The following NRXN3 variants were observed in gnomAD, a reference collection of about 807,000 sequenced individuals.
NRXN3 encodes the protein neurexin 3.
A neutral mutation model predicts 137.6 loss-of-function variants in NRXN3; 32 were observed. That is an observed-to-expected ratio of 0.23 (90% CI 0.18 to 0.31). The LOEUF is 0.31. Among genes scored for constraint, NRXN3 ranks in the 10% least tolerant of loss-of-function variants. NRXN3 has a pLI of 1.00. For synonymous variants in NRXN3, 798 were observed against 784.5 expected, an observed-to-expected ratio of 1.02 and a Z score of -0.29; for missense variants, 1,574 against 2,062.5, an observed-to-expected ratio of 0.76 and a Z score of 4.59.
intron 20 of NRXN3, among the ~76,000 whole-genome samples, chr14:79,833,779 G>GT (rs1195793628): frequency 8.6e-5 from 13 of 152,034 alleles, no homozygotes; most frequent in Admixed American, 5.2e-4. Context: ...ACATACTCAG[G>GT]TTTTTTAAAA....
intron 10 of NRXN3, among the ~76,000 whole-genome samples, chr14:78,919,391 A>G (rs2099265062): frequency 6.6e-6 from 1 of 152,212 alleles, no homozygotes; most frequent in Non-Finnish European, 1.5e-5. Flanking sequence ...ATTATTTTCA[A>G]TATCTATTTT....
At chr14:78,217,067 A>C (rs916249426) in intron 1 of NRXN3, among the ~76,000 whole-genome samples, 1 of 152,140 alleles carries the variant, frequency 6.6e-6, no homozygotes, top group African/African-American at 2.4e-5. Flanking sequence ...AGGTGTTAAG[A>C]CTTCAACATG....
Position 78,662,959 on chromosome 14 carries a change from T to C in NRXN3, c.1221+11633T>C, listed in dbSNP as rs75501218. On this transcript the variant is annotated intron_variant, in intron 6 of 20. Coordinates refer to ENST00000335750, the MANE Select transcript of NRXN3 (RefSeq NM_001330195.2). Reference sequence around the variant, plus strand: ...AGACTAGCAATTATTGAACACTTAATGTGAACACATGTGAAATGTGTGTCT... The same window carrying C: ...AGACTAGCAATTATTGAACACTTAACGTGAACACATGTGAAATGTGTGTCT... Among the ~76,000 whole-genome samples, 619 of 152,368 alleles carry C rather than the reference T, an allele frequency of 4.1e-3. 6 individuals carry two copies. Among genetic ancestry groups the C allele is most frequent in the African/African-American group, 0.013 (554 of 41,588 alleles).
chr14:79,802,604 A>G (rs944704747), intron 19 of NRXN3, among the ~76,000 whole-genome samples: 3 of 152,204 alleles, frequency 2.0e-5, no homozygotes, highest in Non-Finnish European at 4.4e-5. Flanking sequence ...AAAAACTACT[A>G]AACAATGATT....
intron 15 of NRXN3, among the ~76,000 whole-genome samples, chr14:79,323,588 G>A (rs1387344189): frequency 6.6e-6 from 1 of 152,124 alleles, no homozygotes; most frequent in Non-Finnish European, 1.5e-5. Flanking sequence ...GGCCGGGCGT[G>A]GTGGCTCACG....
At chr14:79,133,747 A>G (rs1335377422) in intron 15 of NRXN3, among the ~76,000 whole-genome samples, 1 of 151,828 alleles carries the variant, frequency 6.6e-6, no homozygotes, top group Non-Finnish European at 1.5e-5. Context: ...AACATGGTGA[A>G]ATCCTGTCTC....
At chr14:79,021,288 C>T (rs758850855) in intron 15 of NRXN3, among the ~76,000 whole-genome samples, 7 of 152,296 alleles carry the variant, frequency 4.6e-5, no homozygotes, top group South Asian at 4.1e-4. Flanking sequence ...GGACCTTAAA[C>T]ATCATCATGT....
intron 4 of NRXN3, among the ~76,000 whole-genome samples, chr14:78,589,215 A>C (rs1417823098): frequency 6.6e-6 from 1 of 152,208 alleles, no homozygotes; most frequent in African/African-American, 2.4e-5. Flanking sequence ...GAGCAGATAC[A>C]GGAGCCCTCA....
intron 15 of NRXN3, among the ~76,000 whole-genome samples, chr14:79,241,403 A>T (rs968626512): frequency 1.3e-5 from 2 of 152,198 alleles, no homozygotes; most frequent in African/African-American, 2.4e-5. Flanking sequence ...ATGGCTAGGG[A>T]GGCCTCACAA....
intron 17 of NRXN3, among the ~76,000 whole-genome samples, chr14:79,665,522 C>T (rs1374911240): frequency 6.6e-6 from 1 of 152,080 alleles, no homozygotes; most frequent in Non-Finnish European, 1.5e-5. Flanking sequence ...GGAATAAAAG[C>T]AGTCCAGTAT....
At chr14:79,779,841 T>C (rs551522487) in intron 19 of NRXN3, among the ~76,000 whole-genome samples, 1 of 152,318 alleles carries the variant, frequency 6.6e-6, no homozygotes, top group East Asian at 1.9e-4. Context: ...TGGGCATTCA[T>C]TGGGCCAGTT....
At chr14:79,773,475 G>A (rs1294285323) in intron 19 of NRXN3, among the ~76,000 whole-genome samples, 1 of 152,066 alleles carries the variant, frequency 6.6e-6, no homozygotes, top group Non-Finnish European at 1.5e-5. Context: ...CATGTCCTTT[G>A]TAGGCACATG....
intron 15 of NRXN3, among the ~76,000 whole-genome samples, chr14:79,401,536 A>G (rs1488673831): frequency 1.3e-5 from 2 of 152,326 alleles, no homozygotes; most frequent in South Asian, 2.1e-4. Context: ...ATAAGTTAAG[A>G]AACTCTTCCT....
chr14:79,659,027 C>T (rs935607820), intron 16 of NRXN3, among the ~76,000 whole-genome samples: 6 of 152,116 alleles, frequency 3.9e-5, no homozygotes, highest in Non-Finnish European at 4.4e-5. Flanking sequence ...ACCCTGGTGT[C>T]GGTAGCATCT....
chr14:79,035,023 C>G (rs1211105718), intron 15 of NRXN3, among the ~76,000 whole-genome samples: 1 of 152,100 alleles, frequency 6.6e-6, no homozygotes, highest in Non-Finnish European at 1.5e-5. Context: ...TTACCTCAGA[C>G]TTAAATAGCA....
At position 78,284,502 on chromosome 14, in the gene NRXN3, A is replaced by T. The variant is rs969264783; in HGVS notation, c.727+5840A>T. Among the ~76,000 whole-genome samples, 125 of 152,302 alleles carry T rather than the reference A, an allele frequency of 8.2e-4. 2 individuals carry two copies. The highest frequency in any genetic ancestry group is 1.9e-4 in the Non-Finnish European group (13 of 68,032). On this transcript the variant is annotated intron_variant, in intron 3 of 20. Transcript: ENST00000335750. ...AGTGGGTCCTCAACTTTGGCAAAAT[A>T]AACTTTCTAAATTAACTGAGACCTC...
intron 15 of NRXN3, among the ~76,000 whole-genome samples, chr14:79,450,925 A>G (rs568519760): frequency 3.3e-5 from 5 of 152,244 alleles, no homozygotes; most frequent in South Asian, 2.1e-4. Flanking sequence ...ACAAATTTTC[A>G]TAAGCACTTA....
At chr14:79,030,787 C>T (rs181558939) in intron 15 of NRXN3, among the ~76,000 whole-genome samples, 2 of 151,792 alleles carry the variant, frequency 1.3e-5, no homozygotes, top group Non-Finnish European at 2.9e-5. Context: ...TATCTTACTA[C>T]CTAGATCTCA....
intron 7 of NRXN3, 160 bp downstream of exon 7, chr14:78,709,815 C>T: frequency 1.6e-6 from 1 of 643,380 alleles, no homozygotes; most frequent in Non-Finnish European, 2.6e-6. Flanking sequence ...TGAAAAGATA[C>T]CTGTCTCATA....
Sources: allele counts gnomAD v4.1 joint callset (sites outside exome capture counted in the v4.1 genomes callset), GRCh38; gene constraint gnomAD v4.1.1; transcripts MANE v1.5; gene names NCBI Gene and HGNC (gene_info 2026-07-23, HGNC 2026-07-21).